The following CSF1 variants were observed in gnomAD, a reference collection of about 807,000 sequenced individuals.
CSF1 encodes the protein macrophage colony-stimulating factor 1.
In CSF1, 9 loss-of-function variants were observed where a neutral mutation model predicts 48.9. The ratio of observed to expected loss-of-function variants is 0.18; its 90% CI spans 0.11 to 0.32. CSF1 has a LOEUF of 0.32. Among genes scored for constraint, CSF1 ranks in the 10% least tolerant of loss-of-function variants. The pLI, the probability that CSF1 is intolerant of heterozygous loss-of-function variation, is 1.00. For missense variants in CSF1, 672 were observed against 697.9 expected (o/e 0.96, Z 0.42); for synonymous variants, 305 against 284.1 (o/e 1.07, Z -0.74).
intron 7 of CSF1, 109 bp from the exon 8 acceptor site, chr1:109,925,038 A>C (rs921469567): frequency 1.9e-5 from 22 of 1,153,310 alleles, no homozygotes; most frequent in Non-Finnish European, 2.8e-5. Context: ...GGGTCTTTTC[A>C]ATCTGAGAGG....
chr1:109,924,091 C>T lies in CSF1; in HGVS notation c.1470C>T (p.Ser490=), dbSNP rs1301830674. Residue 490 remains serine, a synonymous_variant, in exon 6 of 9, where the codon AGC becomes AGT. Transcript: ENST00000329608. The stretch of plus-strand genomic sequence containing the variant: ...AGAGGCAGTCCGAGGGATCCTTCAG[C>T]CCGCAGCTCCAGGAGTCTGTCTTCC... The part of the protein sequence containing the change: ...GHERQSEGSF[S]PQLQESVFHL... 1.2e-6 allele frequency: 2 copies of T among 1,614,204 alleles called. No homozygotes were observed. The highest frequency in any genetic ancestry group is 1.3e-5 in the African/African-American group (1 of 75,060).
At chr1:109,913,295 C>T (rs779281974) in intron 1 of CSF1, among the ~76,000 whole-genome samples, 1 of 152,220 alleles carries the variant, frequency 6.6e-6, no homozygotes, top group Admixed American at 6.5e-5. Context: ...GCATCAGCCG[C>T]CAGGAGGCTT....
At chr1:109,926,605 C>T (rs1647853624) in intron 8 of CSF1, 1 of 151,436 alleles carries the variant, frequency 6.6e-6, no homozygotes, top group South Asian at 2.1e-4. Context: ...AGCTGGCCCA[C>T]CTCTTCCCCC....
rs565133223 is a variant in CSF1, at chr1:109,925,887, C to T, written c.*13+685C>T. Reference sequence around the variant, plus strand: ...CATCTTCCAGTCAGACTGGGAGAAACGTCTTCCTCATGCGAGGCAAAACTG... The same window carrying T: ...CATCTTCCAGTCAGACTGGGAGAAATGTCTTCCTCATGCGAGGCAAAACTG... On this transcript the variant is annotated intron_variant, in intron 8 of 8. Coordinates refer to ENST00000329608, the MANE Select transcript of CSF1 (RefSeq NM_000757.6). Among the ~76,000 whole-genome samples, 9 of 152,274 alleles carry T rather than the reference C, an allele frequency of 5.9e-5. No individual in the cohort carries two copies. The East Asian group carries it at 1.2e-3, about 20-fold the overall frequency.
In CSF1 at chr1:109,923,714, A is replaced by G. The variant is rs770028346; in HGVS notation, c.1093A>G (p.Thr365Ala). 2.5e-6 allele frequency: 4 copies of G among 1,612,960 alleles called. No homozygotes were observed. The African/African-American group carries it at 4.0e-5, about 16-fold the overall frequency. Reference sequence around the variant, plus strand: ...CCAACAGCCGGCAGATGTAACTGGTACCGCCTTGCCCAGGGTGGGCCCCGT... The same window carrying G: ...CCAACAGCCGGCAGATGTAACTGGTGCCGCCTTGCCCAGGGTGGGCCCCGT... ...KGQQPADVTGTALPRVGPVRP... is the reference protein window; with the variant it reads ...KGQQPADVTGAALPRVGPVRP... Residue 365 changes from threonine to alanine, a missense_variant, in exon 6 of 9, where the codon ACC becomes GCC. By Grantham distance (58) the Thr-to-Ala change is moderately conservative (BLOSUM62 0). Coordinates refer to ENST00000329608, the MANE Select transcript of CSF1 (RefSeq NM_000757.6).
At chr1:109,911,170 C>A in intron 1 of CSF1, 108 bp downstream of exon 1, 1 of 704,710 alleles carries the variant, frequency 1.4e-6, no homozygotes, top group Non-Finnish European at 1.8e-6. Context: ...GCGCCGGCTG[C>A]ACTGGCCCGG....
At position 109,924,079 on chromosome 1, in the gene CSF1, G is replaced by C; in HGVS notation, c.1458G>C (p.Glu486Asp). The C allele has an allele frequency of 6.2e-7, 1 of 1,614,202 alleles. No homozygotes were observed. Among genetic ancestry groups the C allele is most frequent in the Non-Finnish European group, 8.5e-7 (1 of 1,180,022 alleles). ...ACACAGGCCATGAGAGGCAGTCCGA[G>C]GGATCCTTCAGCCCGCAGCTCCAGG... ...LTDTGHERQS[E>D]GSFSPQLQES... Residue 486 changes from glutamate to aspartate, a missense_variant, in exon 6 of 9, where the codon GAG becomes GAC. Glu to Asp is a conservative substitution (Grantham distance 45). Around this residue, in one of 3 missense-constraint regions of CSF1, gnomAD observed 591 missense variants for 593.6 expected, o/e 1.00. Transcript: ENST00000329608.
In CSF1 at chr1:109,924,155, G is replaced by T; in HGVS notation, c.1534G>T (p.Val512Phe). 2 of 1,613,156 alleles carry T rather than the reference G, an allele frequency of 1.2e-6. No individual in the cohort carries two copies. The highest frequency in any genetic ancestry group is 1.3e-5 in the African/African-American group (1 of 75,026). Residue 512 changes from valine to phenylalanine, a missense_variant, in exon 6 of 9, where the codon GTC becomes TTC. Coordinates refer to ENST00000329608, the MANE Select transcript of CSF1 (RefSeq NM_000757.6). Reference sequence around the variant, plus strand: ...CAGTGTCATCCTGGTCTTGCTGGCCGTCGGAGGCCTCTTGTTCTACAGGTG... The same window carrying T: ...CAGTGTCATCCTGGTCTTGCTGGCCTTCGGAGGCCTCTTGTTCTACAGGTG... Reference protein sequence around the residue: ...VPSVILVLLAVGGLLFYRWRR... With the variant: ...VPSVILVLLAFGGLLFYRWRR...
chr1:109,917,202 G>A, intron 3 of CSF1, 91 bp from the exon 4 acceptor site: 1 of 1,393,662 alleles, frequency 7.2e-7, no homozygotes, highest in South Asian at 1.3e-5. Flanking sequence ...GGGGGAAGGG[G>A]GAGAGCAAGC....
chr1:109,914,200 G>T, intron 1 of CSF1, 59 bp from the exon 2 acceptor site: 1 of 1,537,776 alleles, frequency 6.5e-7, no homozygotes, highest in Non-Finnish European at 8.8e-7. Context: ...GTTGAGCAGG[G>T]CATGGGGATA....
Position 109,923,653 on chromosome 1 carries a change from C to T in CSF1, c.1032C>T (p.Leu344=). ...AGCCCGCCAGACCCAGCAACTTCCT[C>T]TCAGCATCTTCTCCACTCCCTGCAT... ...QTEPARPSNF[L]SASSPLPASA... The change falls in exon 6 of 9, where the codon CTC becomes CTT. Residue 344 remains leucine (L), a synonymous_variant. Coordinates refer to ENST00000329608, the MANE Select transcript of CSF1 (RefSeq NM_000757.6). 6.2e-7 allele frequency: 1 copy of T among 1,614,006 alleles called. No individual in the cohort carries two copies. Among genetic ancestry groups the T allele is most frequent in the Non-Finnish European group, 8.5e-7 (1 of 1,179,916 alleles).
At chr1:109,920,466 G>A (rs966260773) in intron 4 of CSF1, among the ~76,000 whole-genome samples, 5 of 152,088 alleles carry the variant, frequency 3.3e-5, no homozygotes, top group Non-Finnish European at 4.4e-5. Flanking sequence ...TTACAGGCAC[G>A]TGCCACCATG....
intron 8 of CSF1, among the ~76,000 whole-genome samples, chr1:109,928,640 G>A (rs1463306714): frequency 6.6e-6 from 1 of 152,066 alleles, no homozygotes; most frequent in Non-Finnish European, 1.5e-5. Context: ...GAGGTAGGAG[G>A]TGAGGCCAGT....
chr1:109,924,626 C>T, intron 6 of CSF1, 150 bp from the exon 7 acceptor site: 1 of 685,554 alleles, frequency 1.5e-6, no homozygotes. Flanking sequence ...ACAAATCTCC[C>T]TTGGGCCTCT....
intron 8 of CSF1, among the ~76,000 whole-genome samples, chr1:109,925,550 C>G (rs1647808586): frequency 6.6e-6 from 1 of 152,152 alleles, no homozygotes; most frequent in Non-Finnish European, 1.5e-5. Flanking sequence ...TCTTCAGTAG[C>G]TCTGTGTGGC....
At position 109,924,063 on chromosome 1, in the gene CSF1, A is replaced by G. The variant is rs749554501; in HGVS notation, c.1442A>G (p.His481Arg). ...FNSVPLTDTG[H>R]ERQSEGSFSP... is the part of the protein sequence containing the mutation. The stretch of plus-strand genomic sequence containing the variant: ...TCCGTTCCTTTGACTGACACAGGCC[A>G]TGAGAGGCAGTCCGAGGGATCCTTC... Residue 481 changes from histidine to arginine, a missense_variant, in exon 6 of 9, where the codon CAT (histidine) becomes CGT (arginine). Physicochemically the swap from His to Arg is conservative, Grantham distance 29. Coordinates refer to ENST00000329608, the MANE Select transcript of CSF1 (RefSeq NM_000757.6). 2.5e-6 allele frequency: 4 copies of G among 1,614,108 alleles called. No individual in the cohort carries two copies. Among genetic ancestry groups the G allele is most frequent in the Non-Finnish European group, 3.4e-6 (4 of 1,180,036 alleles).
chr1:109,925,342 G>A (rs374884170), intron 8 of CSF1, 140 bp downstream of exon 8: 11 of 714,518 alleles, frequency 1.5e-5, no homozygotes, highest in Non-Finnish European at 2.2e-5. Context: ...TCCATACATC[G>A]CCAGCCAGGT....
chr1:109,923,771 C>G lies in CSF1; in HGVS notation c.1150C>G (p.Pro384Ala), dbSNP rs1484181344. 6.2e-7 allele frequency: 1 copy of G among 1,608,118 alleles called. No homozygotes were observed. Among genetic ancestry groups the G allele is most frequent in the Admixed American group, 1.7e-5 (1 of 59,234 alleles). The change falls in exon 6 of 9, where the codon CCC becomes GCC. Residue 384 changes from proline to alanine, a missense_variant. Physicochemically the swap from Pro to Ala is conservative, Grantham distance 27 (BLOSUM62 -1). Transcript: ENST00000329608. Reference sequence around the variant, plus strand: ...CACTGGCCAGGACTGGAATCACACCCCCCAGAAGACAGACCATCCATCTGC... The same window carrying G: ...CACTGGCCAGGACTGGAATCACACCGCCCAGAAGACAGACCATCCATCTGC... ...RPTGQDWNHT[P>A]QKTDHPSALL... is the part of the protein sequence containing the mutation.
Position 109,915,861 on chromosome 1 carries a change from G to A in CSF1, c.225+165G>A, listed in dbSNP as rs367548123. On this transcript the variant is annotated intron_variant, in intron 3 of 8. Transcript: ENST00000329608. ...TGGGGTGCCAGGATCCAGGGCTCAA[G>A]TCCCCTGCCATTCCCTTCTCCTGGC... Among the ~76,000 whole-genome samples the A allele has an allele frequency of 1.6e-4, 24 of 152,028 alleles. No individual in the cohort carries two copies. In the South Asian group the frequency reaches 5.0e-3, roughly 32 times the overall value.
Sources: gnomAD v4.1 joint callset for allele counts (sites outside exome capture counted in the v4.1 genomes callset) on GRCh38, gnomAD v4.1.1 for gene constraint, gnomAD v4.1.1 regional missense constraint, MANE v1.5 for transcripts, NCBI Gene and HGNC (gene_info 2026-07-23, HGNC 2026-07-21) for gene names.